The following SCAPER variants were observed in gnomAD, a reference collection of about 807,000 sequenced individuals.
The protein encoded by SCAPER is S phase cyclin A-associated protein in the endoplasmic reticulum.
In SCAPER, 98 loss-of-function variants were observed where a neutral mutation model predicts 182.2. That is an observed-to-expected ratio of 0.54 (90% confidence interval 0.46 to 0.64). The LOEUF (loss-of-function observed/expected upper bound fraction) is 0.64. Ranked by LOEUF, SCAPER falls within the 30% of genes least tolerant of loss-of-function variation. SCAPER has a pLI of 0.00. For missense variants in SCAPER, 1,432 were observed against 1,690.0 expected, an observed-to-expected ratio of 0.85 and a Z score of 2.68; for synonymous variants, 605 against 564.6, an observed-to-expected ratio of 1.07 and a Z score of -1.01.
At chr15:76,591,905 C>T (rs1373933173) in intron 22 of SCAPER, among the ~76,000 whole-genome samples, 1 of 152,050 alleles carries the variant, frequency 6.6e-6, no homozygotes, top group Non-Finnish European at 1.5e-5. Context: ...ACAAAAAATA[C>T]AAAAATTATC....
chr15:76,583,182 C>A (rs980042263), intron 22 of SCAPER, among the ~76,000 whole-genome samples: 4 of 151,866 alleles, frequency 2.6e-5, no homozygotes, highest in Non-Finnish European at 5.9e-5. Context: ...GAAACCCTGT[C>A]CCTACTAAAA....
At chr15:76,468,709 C>A (rs543280179) in intron 25 of SCAPER, among the ~76,000 whole-genome samples, 2 of 152,222 alleles carry the variant, frequency 1.3e-5, no homozygotes, top group East Asian at 3.9e-4. Context: ...GCTATCATAT[C>A]ATTTACTGTA....
intron 25 of SCAPER, among the ~76,000 whole-genome samples, chr15:76,450,142 G>A (rs1384078554): frequency 6.6e-6 from 1 of 152,200 alleles, no homozygotes; most frequent in Non-Finnish European, 1.5e-5. Flanking sequence ...TTGAGAGCAA[G>A]CTCCACACCA....
At chr15:76,832,562 T>C (rs2068576038) in intron 5 of SCAPER, among the ~76,000 whole-genome samples, 1 of 152,220 alleles carries the variant, frequency 6.6e-6, no homozygotes, top group African/African-American at 2.4e-5. Flanking sequence ...ATTTGAGGAA[T>C]TATACGGTTG....
chr15:76,728,803 T>C (rs2060741308), intron 16 of SCAPER, 66 bp from the exon 17 acceptor site: 2 of 1,491,908 alleles, frequency 1.3e-6, no homozygotes, highest in South Asian at 2.6e-5. Context: ...TTCAAAGTAA[T>C]ATACCTTTCA....
intron 26 of SCAPER, among the ~76,000 whole-genome samples, chr15:76,411,247 C>A (rs1232782895): frequency 6.6e-6 from 1 of 152,036 alleles, no homozygotes; most frequent in East Asian, 1.9e-4. Context: ...TGATTAGTAT[C>A]CCACTGTATG....
At chr15:76,703,399 C>A (rs1598264006) in intron 18 of SCAPER, among the ~76,000 whole-genome samples, 2 of 152,150 alleles carry the variant, frequency 1.3e-5, no homozygotes, top group Admixed American at 6.6e-5. Context: ...TTTTTGAGAA[C>A]CACTTCCTGG....
intron 16 of SCAPER, among the ~76,000 whole-genome samples, chr15:76,731,622 T>C (rs936109491): frequency 6.6e-6 from 1 of 152,250 alleles, no homozygotes; most frequent in Non-Finnish European, 1.5e-5. Context: ...AAGTAATGAT[T>C]ACACATTTTT....
intron 23 of SCAPER, among the ~76,000 whole-genome samples, chr15:76,560,042 T>C (rs2046491279): frequency 6.6e-6 from 1 of 152,146 alleles, no homozygotes; most frequent in South Asian, 2.1e-4. Flanking sequence ...ATATTTATGG[T>C]GTCATTCCCA....
At chr15:76,465,540 G>C (rs2049540420) in intron 25 of SCAPER, among the ~76,000 whole-genome samples, 1 of 152,108 alleles carries the variant, frequency 6.6e-6, no homozygotes, top group Non-Finnish European at 1.5e-5. Context: ...CTGCACTGTT[G>C]ATTGTGACTC....
At chr15:76,578,986 C>T (rs1489431901) in intron 22 of SCAPER, among the ~76,000 whole-genome samples, 1 of 152,114 alleles carries the variant, frequency 6.6e-6, no homozygotes, top group Non-Finnish European at 1.5e-5. Flanking sequence ...CTATCAGATA[C>T]ATTTAGCGAA....
chr15:76,422,675 A>G (rs2046127595), intron 26 of SCAPER, among the ~76,000 whole-genome samples: 1 of 151,638 alleles, frequency 6.6e-6, no homozygotes, highest in African/African-American at 2.4e-5. Context: ...GAGTGGTGAG[A>G]GGGGGCATCC....
chr15:76,841,963 TAAATA>T, intron 4 of SCAPER, 32 bp from the exon 5 acceptor site: 1 of 1,569,678 alleles, frequency 6.4e-7, no homozygotes, highest in Non-Finnish European at 8.6e-7. Context: ...TGAAAATAAA[TAAATA>T]AAAGGGCTTC....
At chr15:76,667,357 A>C (rs1165861704) in intron 20 of SCAPER, among the ~76,000 whole-genome samples, 2 of 151,728 alleles carry the variant, frequency 1.3e-5, no homozygotes, top group Non-Finnish European at 2.9e-5. Flanking sequence ...CCTCTTCTTG[A>C]CCTCTAAATG....
chr15:76,798,306 G>A (rs1310012212), intron 7 of SCAPER, among the ~76,000 whole-genome samples: 2 of 149,758 alleles, frequency 1.3e-5, no homozygotes, highest in African/African-American at 4.9e-5. Context: ...ATCGCAGTAA[G>A]CCAAGATCAC....
chr15:76,397,474 C>CTTT (rs71143321), intron 27 of SCAPER, among the ~76,000 whole-genome samples: 2,157 of 71,394 alleles, frequency 0.03, 48 homozygotes, highest in Non-Finnish European at 0.038. Flanking sequence ...TATTGGCAGA[C>CTTT]TTTTTTTTTT....
chr15:76,841,689 G>C, intron 5 of SCAPER, 45 bp downstream of exon 5: 2 of 1,574,074 alleles, frequency 1.3e-6, no homozygotes, highest in Non-Finnish European at 1.7e-6. Flanking sequence ...AAAAATTCAA[G>C]AATCTGAGTT....
chr15:76,797,152 G>A (rs1445257642), intron 7 of SCAPER: 2 of 152,156 alleles, frequency 1.3e-5, no homozygotes, highest in African/African-American at 2.4e-5. Flanking sequence ...GAAGTTAGGA[G>A]ATAAAAAGCA....
chr15:76,522,229 A>C (rs62030360), intron 23 of SCAPER, among the ~76,000 whole-genome samples: 7,650 of 152,160 alleles, frequency 0.05, 269 homozygotes, highest in Middle Eastern at 0.095. Flanking sequence ...AAACCTATGG[A>C]GAATAATAAT....
Sources: gnomAD v4.1 joint callset for allele counts (sites outside exome capture counted in the v4.1 genomes callset) on GRCh38, gnomAD v4.1.1 for gene constraint, MANE v1.5 for transcripts, NCBI Gene and HGNC (gene_info 2026-07-23, HGNC 2026-07-21) for gene names.